MECOM: variants seen among roughly 807,000 people sequenced by gnomAD.
The protein encoded by MECOM is histone-lysine N-methyltransferase MECOM.
Under a neutral mutation model 116.3 loss-of-function variants are expected in MECOM, and 13 were observed. That is an observed-to-expected ratio of 0.11 (90% CI 0.07 to 0.18). The LOEUF is 0.18. Ranked by LOEUF, MECOM falls within the 10% of genes least tolerant of loss-of-function variation. MECOM has a pLI of 1.00. For synonymous variants in MECOM, 528 were observed against 535.2 expected (o/e 0.99, Z 0.19); for missense variants, 1,299 against 1,509.0 (o/e 0.86, Z 2.31).
intron 2 of MECOM, among the ~76,000 whole-genome samples, chr3:169,290,849 C>A (rs1714408562): frequency 6.6e-6 from 1 of 152,134 alleles, no homozygotes; most frequent in Non-Finnish European, 1.5e-5. Context: ...TAAATGGGAT[C>A]ATGGACTGTA....
intron 10 of MECOM, among the ~76,000 whole-genome samples, chr3:169,106,303 T>C (rs1576941058): frequency 6.6e-6 from 1 of 152,254 alleles, no homozygotes; most frequent in Non-Finnish European, 1.5e-5. Flanking sequence ...TAGTTTTTTC[T>C]TTATTTTTGT....
chr3:169,622,340 C>A (rs1312742062), intron 1 of MECOM, among the ~76,000 whole-genome samples: 1 of 152,140 alleles, frequency 6.6e-6, no homozygotes, highest in Admixed American at 6.5e-5. Flanking sequence ...GATCTGCCCC[C>A]CTAGGCCTCC....
chr3:169,604,093 G>A (rs141018193), intron 1 of MECOM, among the ~76,000 whole-genome samples: 4 of 152,232 alleles, frequency 2.6e-5, no homozygotes, highest in East Asian at 3.9e-4. Flanking sequence ...AAAATGATAC[G>A]GAGTGGAGGG....
chr3:169,350,852 T>G (rs1353575307), intron 2 of MECOM, among the ~76,000 whole-genome samples: 1 of 151,308 alleles, frequency 6.6e-6, no homozygotes, highest in Non-Finnish European at 1.5e-5. Flanking sequence ...TTACTGGGGG[T>G]CTTTCATAAT....
intron 1 of MECOM, among the ~76,000 whole-genome samples, chr3:169,486,018 GTATATATAGTA>G (rs1752316054): frequency 1.0e-5 from 1 of 100,016 alleles, no homozygotes; most frequent in Non-Finnish European, 2.0e-5. Context: ...ATATATATAT[GTATATATAGTA>G]TATATATATA....
chr3:169,158,232 T>A (rs1458851637), intron 2 of MECOM, among the ~76,000 whole-genome samples: 1 of 152,214 alleles, frequency 6.6e-6, no homozygotes, highest in Non-Finnish European at 1.5e-5. Flanking sequence ...TTTATCATTG[T>A]CCGTATATAA....
intron 7 of MECOM, 113 bp from the exon 8 acceptor site, chr3:169,116,852 T>A: frequency 7.4e-7 from 1 of 1,349,692 alleles, no homozygotes; most frequent in Middle Eastern, 1.9e-4. Context: ...GTAAAAGACA[T>A]TGGAGGCACC....
chr3:169,273,046 A>G lies in MECOM; in HGVS notation c.375+108141T>C, dbSNP rs115798104. On this transcript the variant is annotated intron_variant, in intron 2 of 16. Transcript: ENST00000651503. ...CTCCTCCAAACACAGAAATATGAAA[A>G]ACAGGTAGTCAGCTACAGAATAGGA... Among the ~76,000 whole-genome samples, 239 of 152,198 alleles carry G rather than the reference A, an allele frequency of 1.6e-3. 2 individuals are homozygous for G. Among genetic ancestry groups the G allele is most frequent in the African/African-American group, 5.6e-3 (231 of 41,552 alleles).
chr3:169,089,055 G>T lies in MECOM; in HGVS notation c.3530C>A (p.Thr1177Asn). The T allele has an allele frequency of 6.2e-7, 1 of 1,608,738 alleles. No individual in the cohort carries two copies. The highest frequency in any genetic ancestry group is 1.7e-5 in the Admixed American group (1 of 58,898). ...YSEAELSSFS[T>N]SHVPEELKQP... ...CTTAAGTTCCTCTGGCACATGGGAA[G>T]TACTAAAAGAAGACAGCTCAGCTTC... The change falls in exon 16 of 17, where the codon ACT becomes AAT. Residue 1177 changes from threonine (T) to asparagine (N), a missense_variant. By Grantham distance (65) the Thr-to-Asn change is moderately conservative. Coordinates refer to ENST00000651503, the MANE Select transcript of MECOM (RefSeq NM_004991.4).
intron 1 of MECOM, among the ~76,000 whole-genome samples, chr3:169,453,472 G>C (rs574289221): frequency 6.6e-6 from 1 of 152,266 alleles, no homozygotes; most frequent in South Asian, 2.1e-4. Flanking sequence ...CACAGCCTTC[G>C]CAGATAAAAT....
intron 1 of MECOM, among the ~76,000 whole-genome samples, chr3:169,436,087 C>G (rs1742577451): frequency 6.6e-6 from 1 of 152,106 alleles, no homozygotes; most frequent in Admixed American, 6.5e-5. Context: ...CAGACTACAA[C>G]TGGCTATTTC....
chr3:169,396,673 T>C (rs1338434666), intron 1 of MECOM, among the ~76,000 whole-genome samples: 11 of 152,172 alleles, frequency 7.2e-5, no homozygotes, highest in Non-Finnish European at 1.5e-4. Flanking sequence ...CACCAAGTTA[T>C]ATTAAGAATT....
chr3:169,574,952 G>A (rs1011373279), intron 1 of MECOM, among the ~76,000 whole-genome samples: 3 of 152,094 alleles, frequency 2.0e-5, no homozygotes, highest in Non-Finnish European at 2.9e-5. Context: ...TTTCCGAAGC[G>A]CTGATAGAAA....
intron 1 of MECOM, among the ~76,000 whole-genome samples, chr3:169,413,661 A>C (rs1332274876): frequency 1.3e-5 from 2 of 152,080 alleles, no homozygotes; most frequent in Non-Finnish European, 2.9e-5. Context: ...CTGCCAACAC[A>C]GCAGTCTAAA....
At chr3:169,658,868 G>A (rs866163248) in intron 1 of MECOM, among the ~76,000 whole-genome samples, 3 of 152,096 alleles carry the variant, frequency 2.0e-5, no homozygotes, top group African/African-American at 4.8e-5. Context: ...GGGGGGTGCC[G>A]GGAGAGAGGG....
intron 1 of MECOM, among the ~76,000 whole-genome samples, chr3:169,599,673 G>A (rs907481655): frequency 2.0e-5 from 3 of 152,310 alleles, no homozygotes; most frequent in African/African-American, 7.2e-5. Context: ...ACTGGGAATG[G>A]TTGAGAAATG....
chr3:169,313,777 G>A (rs930395603), intron 2 of MECOM, among the ~76,000 whole-genome samples: 1 of 152,162 alleles, frequency 6.6e-6, no homozygotes, highest in Non-Finnish European at 1.5e-5. Flanking sequence ...AGGTGCAGAG[G>A]AAGAGTAGGT....
chr3:169,093,002 C>A lies in MECOM; in HGVS notation c.3120G>T (p.Gly1040=). The change falls in exon 14 of 17, where the codon GGG becomes GGT. Residue 1040 remains glycine (G), a synonymous_variant. Coordinates refer to ENST00000651503, the MANE Select transcript of MECOM (RefSeq NM_004991.4). ...GAGATTGGCTGCCATGGTTGCTGTT[C>A]CCAATGAAATTTCGAATTTCTGTGA... ...AYFTEIRNFI[G]NSNHGSQSPR... 1 of 1,613,780 alleles carries A rather than the reference C, an allele frequency of 6.2e-7. No individual in the cohort carries two copies. The highest frequency in any genetic ancestry group is 8.5e-7 in the Non-Finnish European group (1 of 1,179,784).
intron 1 of MECOM, among the ~76,000 whole-genome samples, chr3:169,507,781 C>G (rs1378905330): frequency 6.7e-6 from 1 of 148,838 alleles, no homozygotes; most frequent in East Asian, 2.0e-4. Context: ...CCTGCCTCAG[C>G]CTCCCGAGTA....
Sources: gnomAD v4.1 joint callset for allele counts (sites outside exome capture counted in the v4.1 genomes callset) on GRCh38, gnomAD v4.1.1 for gene constraint, MANE v1.5 for transcripts, NCBI Gene and HGNC (gene_info 2026-07-23, HGNC 2026-07-21) for gene names.